Variants in SPATS2 observed in about 807,000 individuals in gnomAD.
SPATS2 encodes spermatogenesis-associated serine-rich protein 2.
In SPATS2, 38 loss-of-function variants were observed where a neutral mutation model predicts 63.7. That is an observed-to-expected ratio of 0.60 (90% CI 0.46 to 0.78). The LOEUF (loss-of-function observed/expected upper bound fraction) is 0.78. Among genes scored for constraint, SPATS2 ranks in the 30% least tolerant of loss-of-function variants. SPATS2 has a pLI of 0.00. For missense variants in SPATS2, 588 were observed against 666.2 expected (o/e 0.88, Z 1.29); for synonymous variants, 207 against 232.9 (o/e 0.89, Z 1.01).
chr12:49,413,803 C>G (rs142460534), intron 2 of SPATS2, among the ~76,000 whole-genome samples: 2,053 of 152,218 alleles, frequency 0.013, 32 homozygotes, highest in Middle Eastern at 0.031. Context: ...GCATCTCCCC[C>G]CATTCCCAGC....
chr12:49,389,575 A>G (rs986855239), intron 2 of SPATS2: 2 of 1,027,346 alleles, frequency 1.9e-6, no homozygotes, highest in Admixed American at 1.7e-5. Flanking sequence ...AAAGATTAAG[A>G]GATCACGACG....
At chr12:49,452,092 T>C (rs1231585722) in intron 2 of SPATS2, among the ~76,000 whole-genome samples, 1 of 152,154 alleles carries the variant, frequency 6.6e-6, no homozygotes, top group African/African-American at 2.4e-5. Flanking sequence ...GTGGATCTCT[T>C]TGTGTGTATT....
chr12:49,440,646 T>C (rs2137548766), intron 2 of SPATS2, among the ~76,000 whole-genome samples: 1 of 152,202 alleles, frequency 6.6e-6, no homozygotes, highest in East Asian at 1.9e-4. Context: ...TTTTTGTGTT[T>C]TTAGTAGAGA....
At position 49,490,687 on chromosome 12, in the gene SPATS2, G is replaced by A. The variant is rs1200187674; in HGVS notation, c.220G>A (p.Ala74Thr). 6.2e-7 allele frequency: 1 copy of A among 1,613,866 alleles called. No individual in the cohort carries two copies. The highest frequency in any genetic ancestry group is 8.5e-7 in the Non-Finnish European group (1 of 1,179,892). ...GTAATTGGTTTCTCTTACAGGTAGT[G>A]CCAGTGAAGTACTCAAAGAATGGAC... ...KTVQAFMEGS[A>T]SEVLKEWTVT... Residue 74 changes from alanine to threonine, a missense_variant, in exon 6 of 14, where the codon GCC (alanine) becomes ACC (threonine). Ala to Thr is a moderately conservative substitution (Grantham distance 58). Transcript: ENST00000552918.
At chr12:49,408,208 C>T (rs1043696773) in intron 2 of SPATS2, among the ~76,000 whole-genome samples, 4 of 151,782 alleles carry the variant, frequency 2.6e-5, no homozygotes, top group East Asian at 1.9e-4. Context: ...GAGATACGCC[C>T]GCTTTTCGAA....
chr12:49,462,693 A>T (rs1945842924), intron 3 of SPATS2: 2 of 557,644 alleles, frequency 3.6e-6, no homozygotes, highest in East Asian at 3.1e-5. Context: ...AGGGGAGCTG[A>T]AAAGGGGTTG....
intron 3 of SPATS2, among the ~76,000 whole-genome samples, chr12:49,469,250 C>T (rs760634693): frequency 1.2e-4 from 18 of 151,166 alleles, no homozygotes; most frequent in South Asian, 2.1e-4. Context: ...ATTAGCTGGG[C>T]GTGGTGGCAG....
At chr12:49,478,652 A>G (rs1946157447) in intron 3 of SPATS2, among the ~76,000 whole-genome samples, 1 of 152,212 alleles carries the variant, frequency 6.6e-6, no homozygotes, top group South Asian at 2.1e-4. Context: ...ATACCATTAG[A>G]GAAAATATGT....
intron 11 of SPATS2, among the ~76,000 whole-genome samples, chr12:49,520,786 G>A (rs1823078003): frequency 2.0e-5 from 3 of 150,396 alleles, no homozygotes; most frequent in African/African-American, 4.9e-5. Context: ...TGGCGCTGTC[G>A]CCACTCACTG....
chr12:49,447,815 G>T (rs973075373), intron 2 of SPATS2, among the ~76,000 whole-genome samples: 1 of 151,996 alleles, frequency 6.6e-6, no homozygotes, highest in African/African-American at 2.4e-5. Flanking sequence ...GGTCTGTAAT[G>T]ATGTTCTTTG....
rs538485746 is a variant in SPATS2 at position 49,396,201 on chromosome 12, G to A, written c.-244+24911G>A. On this transcript the variant is annotated intron_variant, in intron 2 of 13. Transcript: ENST00000552918. ...CATTGTGAATAATGCTACAATGAACGTAGGAATGAAAATACCCCTCAAGAT... is the reference window on the plus strand; with the variant it reads ...CATTGTGAATAATGCTACAATGAACATAGGAATGAAAATACCCCTCAAGAT... 3.9e-5 allele frequency among the ~76,000 whole-genome samples: 6 copies of A among 152,246 alleles called. No individual in the cohort carries two copies. In the East Asian group the frequency reaches 7.7e-4, roughly 20 times the overall value.
rs1266639549 is a variant in SPATS2 at position 49,450,566 on chromosome 12, G to A, written c.-243-10204G>A. Among the ~76,000 whole-genome samples the A allele has an allele frequency of 5.3e-5, 8 of 150,834 alleles. No homozygotes were observed. The East Asian group carries it at 9.9e-4, about 19-fold the overall frequency. On this transcript the variant is annotated intron_variant, in intron 2 of 13. Coordinates refer to ENST00000552918, the MANE Select transcript of SPATS2 (RefSeq NM_023071.4). ...GCCGAGTGGAGTCTTTTTTTGAGAC[G>A]GAGTTTCACTCTTGTTGCCCAGGCT...
chr12:49,370,218 T>C (rs1246326826), intron 1 of SPATS2, among the ~76,000 whole-genome samples: 1 of 152,248 alleles, frequency 6.6e-6, no homozygotes, highest in East Asian at 1.9e-4. Context: ...AAAGTCACTT[T>C]ATAATGGCAG....
intron 2 of SPATS2, among the ~76,000 whole-genome samples, chr12:49,401,376 AT>A (rs1047598994): frequency 3.3e-5 from 5 of 152,086 alleles, no homozygotes; most frequent in African/African-American, 1.2e-4. Context: ...GGACAGCTGC[AT>A]TTTTTTTAAA....
At chr12:49,421,704 A>C (rs1025657372) in intron 2 of SPATS2, among the ~76,000 whole-genome samples, 5 of 152,178 alleles carry the variant, frequency 3.3e-5, no homozygotes, top group Admixed American at 6.5e-5. Context: ...GGGCCTATTC[A>C]TTTAAATAAA....
intron 3 of SPATS2, among the ~76,000 whole-genome samples, chr12:49,478,170 G>A (rs1946150947): frequency 6.6e-6 from 1 of 151,790 alleles, no homozygotes; most frequent in African/African-American, 2.4e-5. Context: ...ATAGAAATGG[G>A]GACTAGCTGT....
intron 3 of SPATS2, among the ~76,000 whole-genome samples, chr12:49,473,141 A>C (rs1483793302): frequency 6.7e-6 from 1 of 149,610 alleles, no homozygotes; most frequent in Non-Finnish European, 1.5e-5. Flanking sequence ...TTGGCTGGGC[A>C]TGGTGGCTCA....
intron 2 of SPATS2, among the ~76,000 whole-genome samples, chr12:49,374,308 T>C (rs1944054560): frequency 2.0e-5 from 3 of 151,992 alleles, no homozygotes; most frequent in African/African-American, 4.8e-5. Flanking sequence ...TTAAAATTTT[T>C]TGTAGAGACA....
chr12:49,393,076 C>A (rs1258121740), intron 2 of SPATS2, among the ~76,000 whole-genome samples: 1 of 152,098 alleles, frequency 6.6e-6, no homozygotes, highest in African/African-American at 2.4e-5. Context: ...ATAGAAACAT[C>A]TGTGTACTCA....
Sources: allele counts gnomAD v4.1 joint callset (sites outside exome capture counted in the v4.1 genomes callset), GRCh38; gene constraint gnomAD v4.1.1; transcripts MANE v1.5; gene names NCBI Gene and HGNC (gene_info 2026-07-23, HGNC 2026-07-21).